Variants in SPAG16 observed in about 807,000 individuals in gnomAD.
The protein encoded by SPAG16 is sperm associated antigen 16.
A neutral mutation model predicts 80.4 loss-of-function variants in SPAG16; 86 were observed. That is an observed-to-expected ratio of 1.07 (90% CI 0.90 to 1.28). SPAG16 has a LOEUF of 1.28. Ranked by LOEUF, SPAG16 falls within the 50% of genes most tolerant of loss-of-function variation. The probability of loss-of-function intolerance (pLI) is 0.00; values close to 1 mark genes in which losing one functional copy is unlikely to be tolerated. For synonymous variants in SPAG16, 294 were observed against 265.9 expected, an observed-to-expected ratio of 1.11 and a Z score of -1.03; for missense variants, 870 against 765.3, an observed-to-expected ratio of 1.14 and a Z score of -1.61.
intron 9 of SPAG16, chr2:213,422,315 A>G (rs1283491739): frequency 1.4e-6 from 1 of 701,642 alleles, no homozygotes; most frequent in Middle Eastern, 3.1e-4. Context: ...CTTGGAGTGC[A>G]TCTGATCCAG....
chr2:213,987,125 A>G (rs1055951132), intron 12 of SPAG16, among the ~76,000 whole-genome samples: 2 of 152,022 alleles, frequency 1.3e-5, no homozygotes, highest in Admixed American at 1.3e-4. Flanking sequence ...TTTGTCTTGC[A>G]TTATATTTAT....
intron 5 of SPAG16, among the ~76,000 whole-genome samples, chr2:213,337,781 A>G (rs2124931793): frequency 6.6e-6 from 1 of 152,190 alleles, no homozygotes; most frequent in South Asian, 2.1e-4. Context: ...AGAGAATGGA[A>G]CCAAGTTGGA....
chr2:213,342,664 T>C (rs1228710286), intron 6 of SPAG16, among the ~76,000 whole-genome samples: 2 of 151,976 alleles, frequency 1.3e-5, no homozygotes, highest in African/African-American at 4.8e-5. Flanking sequence ...TGGAGGACTT[T>C]TGGGGAATTT....
chr2:214,216,135 G>A (rs2058426169), intron 15 of SPAG16, among the ~76,000 whole-genome samples: 1 of 152,140 alleles, frequency 6.6e-6, no homozygotes, highest in African/African-American at 2.4e-5. Flanking sequence ...GTTGGAGAAA[G>A]CATTTTATGA....
chr2:213,628,578 C>T (rs1384868441), intron 10 of SPAG16, among the ~76,000 whole-genome samples: 2 of 152,130 alleles, frequency 1.3e-5, no homozygotes, highest in Admixed American at 6.5e-5. Flanking sequence ...ACAATGGACC[C>T]GTTTATTTTA....
intron 15 of SPAG16, among the ~76,000 whole-genome samples, chr2:214,381,252 T>G (rs1441191243): frequency 6.6e-6 from 1 of 152,192 alleles, no homozygotes; most frequent in Non-Finnish European, 1.5e-5. Flanking sequence ...AGAAAACACA[T>G]GCTAAAGCTA....
At chr2:213,506,819 T>C (rs2074988567) in intron 10 of SPAG16, among the ~76,000 whole-genome samples, 1 of 152,222 alleles carries the variant, frequency 6.6e-6, no homozygotes, top group Non-Finnish European at 1.5e-5. Context: ...TTTGCTGCCT[T>C]AAAGATATTA....
At chr2:214,073,157 A>G (rs971933415) in intron 13 of SPAG16, among the ~76,000 whole-genome samples, 3 of 152,070 alleles carry the variant, frequency 2.0e-5, no homozygotes, top group Non-Finnish European at 2.9e-5. Flanking sequence ...AAAATCAACT[A>G]CCTACCAAAA....
chr2:213,726,171 A>G lies in SPAG16; in HGVS notation c.1071-136314A>G, dbSNP rs574957803. ...TGTGGCAGTCCAGAAATGATGGGGC[A>G]TTAAAACTTTCCAGGAGCAACCCTC... On this transcript the variant is annotated intron_variant, in intron 10 of 15. Transcript: ENST00000331683. Among the ~76,000 whole-genome samples the G allele has an allele frequency of 3.3e-5, 5 of 152,366 alleles. No homozygotes were observed. In the East Asian group the frequency reaches 7.7e-4, roughly 24 times the overall value.
At chr2:214,151,228 T>A (rs1334561594) in intron 15 of SPAG16, among the ~76,000 whole-genome samples, 1 of 152,048 alleles carries the variant, frequency 6.6e-6, no homozygotes, top group Non-Finnish European at 1.5e-5. Flanking sequence ...ACTCTTCATT[T>A]AAAAGGTTGA....
chr2:214,235,506 C>T (rs1576562280), intron 15 of SPAG16, among the ~76,000 whole-genome samples: 1 of 152,166 alleles, frequency 6.6e-6, no homozygotes, highest in East Asian at 1.9e-4. Context: ...ATTGAGATGT[C>T]TTCCACTAAA....
chr2:213,963,517 G>A (rs1187707809), intron 12 of SPAG16, among the ~76,000 whole-genome samples: 2 of 152,046 alleles, frequency 1.3e-5, no homozygotes, highest in East Asian at 1.9e-4. Flanking sequence ...ACTGCAAAGT[G>A]GAGTCTTCTA....
intron 15 of SPAG16, among the ~76,000 whole-genome samples, chr2:214,251,223 T>C (rs1236830413): frequency 6.6e-6 from 1 of 151,664 alleles, no homozygotes; most frequent in Non-Finnish European, 1.5e-5. Flanking sequence ...AAAATTTTAC[T>C]CAGACTTTGA....
intron 15 of SPAG16, among the ~76,000 whole-genome samples, chr2:214,315,828 G>T (rs1695657059): frequency 6.6e-6 from 1 of 152,136 alleles, no homozygotes; most frequent in Non-Finnish European, 1.5e-5. Flanking sequence ...CACTGCACCT[G>T]GCCCTTCTTT....
chr2:213,643,363 T>C (rs2062685522), intron 10 of SPAG16, among the ~76,000 whole-genome samples: 8 of 14,810 alleles, frequency 5.4e-4, no homozygotes, highest in Admixed American at 2.8e-3. Context: ...TATATATATA[T>C]ATATATATAT....
chr2:213,650,809 G>A (rs1316703163), intron 10 of SPAG16, among the ~76,000 whole-genome samples: 3 of 152,156 alleles, frequency 2.0e-5, no homozygotes, highest in Non-Finnish European at 2.9e-5. Flanking sequence ...GTGGAATTCA[G>A]GGATTCAATC....
intron 10 of SPAG16, among the ~76,000 whole-genome samples, chr2:213,791,189 C>A (rs2070678265): frequency 6.6e-6 from 1 of 151,910 alleles, no homozygotes; most frequent in Non-Finnish European, 1.5e-5. Flanking sequence ...GAAATCCTTA[C>A]AGTCAAGGCT....
chr2:213,541,165 A>G (rs1340510799), intron 10 of SPAG16, among the ~76,000 whole-genome samples: 3 of 152,206 alleles, frequency 2.0e-5, no homozygotes, highest in East Asian at 1.9e-4. Context: ...AATGGGGGCC[A>G]TGAGGAAACG....
intron 10 of SPAG16, among the ~76,000 whole-genome samples, chr2:213,680,450 A>G (rs1365296083): frequency 2.0e-5 from 3 of 151,044 alleles, no homozygotes; most frequent in African/African-American, 4.9e-5. Flanking sequence ...AAAAAAAAAG[A>G]TGTTTTATTA....
Sources: allele counts gnomAD v4.1 joint callset (sites outside exome capture counted in the v4.1 genomes callset), GRCh38; gene constraint gnomAD v4.1.1; transcripts MANE v1.5; gene names NCBI Gene and HGNC (gene_info 2026-07-23, HGNC 2026-07-21).